The following SLIT3 variants were observed in gnomAD, a reference collection of about 807,000 sequenced individuals.
The protein encoded by SLIT3 is slit guidance ligand 3, also known as slit homolog 3 protein.
SLIT3 carries 68 observed loss-of-function variants against 184.0 expected under a neutral mutation model. That is an observed-to-expected ratio of 0.37 (90% confidence interval 0.30 to 0.45). The LOEUF is 0.45. Ranked by LOEUF, SLIT3 falls within the 20% of genes least tolerant of loss-of-function variation. SLIT3 has a pLI of 1.00. For synonymous variants in SLIT3, 831 were observed against 828.6 expected (o/e 1.00, Z -0.05); for missense variants, 1,707 against 2,026.0 (o/e 0.84, Z 3.02).
chr5:168,691,667 G>A (rs992832044), intron 29 of SLIT3, among the ~76,000 whole-genome samples: 1 of 152,154 alleles, frequency 6.6e-6, no homozygotes, highest in African/African-American at 2.4e-5. Flanking sequence ...CAGTTGCCCC[G>A]GACTGCCTGT....
At position 168,735,661 on chromosome 5, in the gene SLIT3, TACACACACAC is replaced by T. The variant is rs150528782; in HGVS notation, c.2271-11187_2271-11178del. 9.9e-3 allele frequency among the ~76,000 whole-genome samples: 1,406 copies of T among 142,166 alleles called. 5 individuals carry two copies. The highest frequency in any genetic ancestry group is 0.017 in the African/African-American group (643 of 38,140). The allele number at this position is 142,166 out of a possible 152,430, so 93.3% of individuals were successfully genotyped here. On this transcript the variant is annotated intron_variant, in intron 20 of 35. Transcript: ENST00000519560. ...ATACACATACATATAGACAGATAGATACACACACACACACACACACACACACACACACACA... is the reference window on the plus strand; with the variant it reads ...ATACACATACATATAGACAGATAGATACACACACACACACACACACACACA...
intron 4 of SLIT3, among the ~76,000 whole-genome samples, chr5:169,173,196 G>T (rs1762869314): frequency 6.6e-6 from 1 of 152,158 alleles, no homozygotes; most frequent in Non-Finnish European, 1.5e-5. Context: ...GGGAGGCGAG[G>T]GTTGCAGTGA....
intron 14 of SLIT3, chr5:168,768,068 T>C (rs1561921799): frequency 5.2e-6 from 2 of 386,282 alleles, no homozygotes; most frequent in East Asian, 7.4e-5. Flanking sequence ...GAGAGGTGGG[T>C]CTGGCAGGTG....
At chr5:169,242,157 G>A (rs985073033) in intron 3 of SLIT3, among the ~76,000 whole-genome samples, 10 of 152,138 alleles carry the variant, frequency 6.6e-5, no homozygotes, top group South Asian at 2.1e-4. Context: ...AAAACAGAAC[G>A]AATAACCAAA....
chr5:168,879,896 T>C (rs1759884835), intron 5 of SLIT3, among the ~76,000 whole-genome samples: 1 of 152,234 alleles, frequency 6.6e-6, no homozygotes, highest in Non-Finnish European at 1.5e-5. Flanking sequence ...TTGATATATC[T>C]TACTCCCTGC....
At chr5:168,845,399 G>A (rs539488038) in intron 5 of SLIT3, among the ~76,000 whole-genome samples, 1 of 152,200 alleles carries the variant, frequency 6.6e-6, no homozygotes, top group Non-Finnish European at 1.5e-5. Context: ...AAGCGTTCAT[G>A]AAGAGGGGAA....
At chr5:169,153,121 G>A (rs988443112) in intron 4 of SLIT3, among the ~76,000 whole-genome samples, 7 of 152,170 alleles carry the variant, frequency 4.6e-5, no homozygotes, top group Non-Finnish European at 5.9e-5. Flanking sequence ...TTCGGCTGAC[G>A]TGGGCCAGGT....
intron 31 of SLIT3, among the ~76,000 whole-genome samples, chr5:168,684,347 T>C (rs188010621): frequency 9.2e-5 from 14 of 152,354 alleles, no homozygotes; most frequent in South Asian, 2.1e-4. Flanking sequence ...CACCACTATG[T>C]TCATATATTA....
intron 1 of SLIT3, among the ~76,000 whole-genome samples, chr5:169,277,997 C>A (rs7723619): frequency 0.14 from 22,017 of 152,172 alleles, 2,126 homozygotes; most frequent in African/African-American, 0.27. Context: ...ATTGGTAAGA[C>A]GTGGCTTGTT....
chr5:169,201,663 C>G (rs1581048835), intron 3 of SLIT3, among the ~76,000 whole-genome samples: 1 of 152,188 alleles, frequency 6.6e-6, no homozygotes, highest in African/African-American at 2.4e-5. Context: ...ATTCCACACT[C>G]ACATAAAGGG....
rs36206656 is a variant in SLIT3 at position 169,203,351 on chromosome 5, G to GCACACACACACACA, written c.342-9815_342-9802dup. 6.2e-4 allele frequency among the ~76,000 whole-genome samples: 92 copies of GCACACACACACACA among 147,530 alleles called. 1 individual carries two copies. Among genetic ancestry groups the GCACACACACACACA allele is most frequent in the African/African-American group, 1.5e-3 (61 of 39,826 alleles). On this transcript the variant is annotated intron_variant, in intron 3 of 35. Coordinates refer to ENST00000519560, the MANE Select transcript of SLIT3 (RefSeq NM_003062.4). ...CATATTTATGCGTGCATGTGAATGT[G>GCACACACACACACA]CACACACACACACACACACACACAC... is the stretch of plus-strand genomic sequence containing the variant.
intron 3 of SLIT3, among the ~76,000 whole-genome samples, chr5:169,241,295 TATG>T (rs1419005513): frequency 3.9e-5 from 6 of 152,212 alleles, no homozygotes; most frequent in Admixed American, 1.3e-4. Flanking sequence ...CATCATATTT[TATG>T]ATAATTCTAA....
chr5:169,099,112 CCA>C (rs1182899102), intron 4 of SLIT3, among the ~76,000 whole-genome samples: 1 of 152,082 alleles, frequency 6.6e-6, no homozygotes, highest in African/African-American at 2.4e-5. Context: ...GCCCCTCTCC[CCA>C]GTGTTCTGTC....
chr5:168,896,413 T>C (rs1027319742), intron 4 of SLIT3, among the ~76,000 whole-genome samples: 1 of 152,172 alleles, frequency 6.6e-6, no homozygotes, highest in Non-Finnish European at 1.5e-5. Flanking sequence ...TTATCAGTAC[T>C]TGCATCTGTT....
At chr5:169,173,145 C>G (rs1470472697) in intron 4 of SLIT3, among the ~76,000 whole-genome samples, 1 of 152,186 alleles carries the variant, frequency 6.6e-6, no homozygotes, top group African/African-American at 2.4e-5. Flanking sequence ...CCTATAATCC[C>G]AGCTACTTGG....
chr5:168,740,222 C>T (rs1763578962), intron 20 of SLIT3, among the ~76,000 whole-genome samples: 2 of 152,088 alleles, frequency 1.3e-5, no homozygotes, highest in African/African-American at 4.8e-5. Flanking sequence ...AGAGCACTTG[C>T]AAGACTGAAT....
intron 4 of SLIT3, among the ~76,000 whole-genome samples, chr5:169,100,880 T>C (rs1224632211): frequency 6.6e-6 from 1 of 152,212 alleles, no homozygotes; most frequent in Non-Finnish European, 1.5e-5. Flanking sequence ...AAATCCCATG[T>C]GTCAACAAAC....
intron 20 of SLIT3, among the ~76,000 whole-genome samples, chr5:168,746,468 G>GCAGTGT (rs1763823769): frequency 4.6e-5 from 2 of 43,698 alleles, no homozygotes; most frequent in Admixed American, 2.8e-4. Context: ...GGTGGTGTGC[G>GCAGTGT]GTGGTGTGGG....
At chr5:168,880,251 T>A (rs1250595048) in intron 5 of SLIT3, among the ~76,000 whole-genome samples, 1 of 152,202 alleles carries the variant, frequency 6.6e-6, no homozygotes, top group Non-Finnish European at 1.5e-5. Flanking sequence ...CCAGAACAAA[T>A]GTTTTCACCG....
Sources: gnomAD v4.1 joint callset for allele counts (sites outside exome capture counted in the v4.1 genomes callset) on GRCh38, gnomAD v4.1.1 for gene constraint, MANE v1.5 for transcripts, NCBI Gene and HGNC (gene_info 2026-07-23, HGNC 2026-07-21) for gene names.